The following CLVS1 variants were observed in gnomAD, a reference collection of about 807,000 sequenced individuals.
CLVS1 encodes clavesin 1, also known as clavesin-1.
CLVS1 carries 10 observed loss-of-function variants against 33.1 expected under a neutral mutation model. The observed-to-expected ratio is 0.30, with a 90% CI of 0.19 to 0.51. The LOEUF is 0.51. Ranked by LOEUF, CLVS1 falls within the 20% of genes least tolerant of loss-of-function variation. The pLI is 0.97. For synonymous variants in CLVS1, 163 were observed against 166.1 expected (o/e 0.98, Z 0.14); for missense variants, 343 against 433.4 (o/e 0.79, Z 1.85).
At chr8:61,385,535 C>A (rs1814046878) in intron 3 of CLVS1, among the ~76,000 whole-genome samples, 1 of 152,036 alleles carries the variant, frequency 6.6e-6, no homozygotes, top group Non-Finnish European at 1.5e-5. Flanking sequence ...AAAATAATGC[C>A]CTTGCAAAAG....
At chr8:61,057,178 C>T (rs1804487156) in exon 1 of CLVS1, 1 of 152,136 alleles carries the variant, frequency 6.6e-6, no homozygotes, top group South Asian at 2.1e-4. Context: ...CTCCAAGAAC[C>T]CAAGAGGTAA....
chr8:61,022,920 C>T, the CLVS1 span, among the ~76,000 whole-genome samples: 1 of 152,112 alleles, frequency 6.6e-6, no homozygotes, highest in Non-Finnish European at 1.5e-5. Flanking sequence ...ATGTGTGCGC[C>T]GGAGCTACAC....
chr8:61,156,857 T>A (rs567035401), intron 2 of CLVS1, among the ~76,000 whole-genome samples: 7 of 152,174 alleles, frequency 4.6e-5, no homozygotes, highest in African/African-American at 7.2e-5. Context: ...AAACTCTCAA[T>A]GTATCTGTCC....
At chr8:61,261,222 T>A (rs1217997894) in intron 2 of CLVS1, among the ~76,000 whole-genome samples, 1 of 152,170 alleles carries the variant, frequency 6.6e-6, no homozygotes, top group South Asian at 2.1e-4. Context: ...GCCCCATCCC[T>A]TTACCTTGCT....
At chr8:61,127,056 A>G (rs1349772881) in intron 1 of CLVS1, among the ~76,000 whole-genome samples, 2 of 152,172 alleles carry the variant, frequency 1.3e-5, no homozygotes, top group African/African-American at 4.8e-5. Flanking sequence ...CCCACAGTAT[A>G]GGAATTTTCC....
intron 2 of CLVS1, among the ~76,000 whole-genome samples, chr8:61,184,323 G>A (rs994418278): frequency 6.6e-6 from 1 of 152,186 alleles, no homozygotes; most frequent in African/African-American, 2.4e-5. Context: ...CATTTGTGCA[G>A]ATATCAACTT....
At chr8:61,337,790 C>T (rs142864665) in intron 2 of CLVS1, among the ~76,000 whole-genome samples, 2,815 of 152,196 alleles carry the variant, frequency 0.018, 87 homozygotes, top group African/African-American at 0.063. Context: ...TGTGGCAGGG[C>T]GGGGGTCTAG....
chr8:61,411,699 C>T (rs1815231896), intron 3 of CLVS1, among the ~76,000 whole-genome samples: 1 of 152,146 alleles, frequency 6.6e-6, no homozygotes, highest in South Asian at 2.1e-4. Flanking sequence ...TGGCAAACCT[C>T]CTTTACTGGA....
chr8:61,282,776 T>TGC (rs1809699759), intron 2 of CLVS1, among the ~76,000 whole-genome samples: 1 of 152,254 alleles, frequency 6.6e-6, no homozygotes, highest in South Asian at 2.1e-4. Context: ...ATAAAGTAAA[T>TGC]GAAGTATGGA....
chr8:61,303,795 T>C (rs776251527), intron 2 of CLVS1, among the ~76,000 whole-genome samples: 18 of 152,214 alleles, frequency 1.2e-4, no homozygotes, highest in Non-Finnish European at 2.9e-5. Flanking sequence ...GTTGGGAGGA[T>C]TGAATGACAT....
chr8:61,312,158 A>G (rs1810852944), intron 2 of CLVS1, among the ~76,000 whole-genome samples: 1 of 152,222 alleles, frequency 6.6e-6, no homozygotes, highest in Non-Finnish European at 1.5e-5. Context: ...GCCGAGAAGG[A>G]AAGCCCCTGG....
chr8:60,989,324 G>T, the CLVS1 span, among the ~76,000 whole-genome samples: 2 of 152,162 alleles, frequency 1.3e-5, no homozygotes, highest in Non-Finnish European at 2.9e-5. Context: ...GGGATTGCAG[G>T]CATGTGCCAC....
In CLVS1 at chr8:61,366,236, T is replaced by A. The variant is rs371415153; in HGVS notation, c.456-10369T>A. On this transcript the variant is annotated intron_variant, in intron 2 of 5. Transcript: ENST00000325897. ...AAATAAACCCTTCCCCATTTATATT[T>A]TGGGCTGTCTTAAAGTGGTGTTTGA... Among the ~76,000 whole-genome samples, 3 of 152,298 alleles carry A rather than the reference T, an allele frequency of 2.0e-5. No individual in the cohort carries two copies. The East Asian group carries it at 5.8e-4, about 29-fold the overall frequency.
At chr8:61,181,825 G>A (rs976980525) in intron 2 of CLVS1, among the ~76,000 whole-genome samples, 28 of 148,192 alleles carry the variant, frequency 1.9e-4, no homozygotes, top group Non-Finnish European at 5.9e-5. Flanking sequence ...TCAGCCTCCC[G>A]AGTAGCTGGG....
At chr8:61,065,657 C>G (rs1023704682) in intron 1 of CLVS1, among the ~76,000 whole-genome samples, 3 of 152,082 alleles carry the variant, frequency 2.0e-5, no homozygotes, top group African/African-American at 7.2e-5. Flanking sequence ...CTTATTTTAA[C>G]TAGAGTATAT....
intron 2 of CLVS1, among the ~76,000 whole-genome samples, chr8:61,165,580 T>C (rs1235767456): frequency 6.6e-6 from 1 of 152,222 alleles, no homozygotes; most frequent in African/African-American, 2.4e-5. Context: ...TGCGGTCACC[T>C]TCCCAACTAG....
chr8:61,285,008 G>A (rs1157842406), upstream of CLVS1, among the ~76,000 whole-genome samples: 1 of 152,100 alleles, frequency 6.6e-6, no homozygotes, highest in Admixed American at 6.5e-5. Flanking sequence ...CTGGAATAGG[G>A]AATTGATTAA....
chr8:61,156,171 G>A (rs1017106427), intron 2 of CLVS1, among the ~76,000 whole-genome samples: 8 of 60,714 alleles, frequency 1.3e-4, no homozygotes, highest in Admixed American at 3.1e-4. Context: ...TCAAAATGGC[G>A]CCATTGCATT....
intron 2 of CLVS1, among the ~76,000 whole-genome samples, chr8:61,208,336 G>A (rs1028966787): frequency 6.6e-6 from 1 of 152,176 alleles, no homozygotes; most frequent in African/African-American, 2.4e-5. Flanking sequence ...GTATCCAGAT[G>A]ATTAATTTTG....
Sources: allele counts gnomAD v4.1 joint callset (sites outside exome capture counted in the v4.1 genomes callset), GRCh38; gene constraint gnomAD v4.1.1; transcripts MANE v1.5; gene names NCBI Gene and HGNC (gene_info 2026-07-23, HGNC 2026-07-21).